PRR16: variants seen among roughly 807,000 people sequenced by gnomAD.
PRR16 encodes the protein proline rich 16.
A neutral mutation model predicts 18.2 loss-of-function variants in PRR16; 6 were observed. The observed-to-expected ratio is 0.33, with a 90% CI of 0.18 to 0.65. The LOEUF (loss-of-function observed/expected upper bound fraction) is 0.65. PRR16 is among the 30% of genes least tolerant of loss of function. The pLI is 0.74. For synonymous variants in PRR16, 151 were observed against 147.8 expected, an observed-to-expected ratio of 1.02 and a Z score of -0.16; for missense variants, 412 against 376.6, an observed-to-expected ratio of 1.09 and a Z score of -0.78.
chr5:120,699,798 AGTT>A, the PRR16 span, among the ~76,000 whole-genome samples: 4 of 152,070 alleles, frequency 2.6e-5, no homozygotes, highest in African/African-American at 4.8e-5. Context: ...GAAGGAAAGG[AGTT>A]GTTGTTTTGT....
intron 1 of PRR16, among the ~76,000 whole-genome samples, chr5:120,678,803 G>T (rs1214055426): frequency 6.6e-6 from 1 of 151,898 alleles, no homozygotes; most frequent in Admixed American, 6.6e-5. Flanking sequence ...AATTGCTCTA[G>T]CTAGGACATC....
At chr5:120,690,217 T>C (rs1162316459), downstream of PRR16, among the ~76,000 whole-genome samples, 1 of 152,194 alleles carries the variant, frequency 6.6e-6, no homozygotes, top group Non-Finnish European at 1.5e-5. Flanking sequence ...TCTGAAACTA[T>C]ACAAGACCTT....
At chr5:120,628,746 CTATCATCT>C (rs1313529197) in intron 1 of PRR16, among the ~76,000 whole-genome samples, 5 of 147,982 alleles carry the variant, frequency 3.4e-5, no homozygotes, top group African/African-American at 5.0e-5. Context: ...ATCTATCTAT[CTATCATCT>C]ATCTGTCTTT....
At position 120,685,971 on chromosome 5, in the gene PRR16, C is replaced by T. The variant is rs147682462; in HGVS notation, c.177C>T (p.Asp59=). The T allele has an allele frequency of 5.0e-6, 8 of 1,613,310 alleles. No homozygotes were observed. In the African/African-American group the frequency reaches 5.3e-5, roughly 11 times the overall value. ...KELKEVVDQI[D]TLTSDLQLED... ...TCCACTAGGTGGTTGACCAGATTGACACCCTGACCTCTGACCTACAGCTGG... is the reference window on the plus strand; with the variant it reads ...TCCACTAGGTGGTTGACCAGATTGATACCCTGACCTCTGACCTACAGCTGG... The change falls in exon 2 of 2, where the codon GAC becomes GAT. Residue 59 remains aspartate, a synonymous_variant. Coordinates refer to ENST00000407149, the MANE Select transcript of PRR16 (RefSeq NM_001300783.2).
At chr5:120,757,387 C>T in the PRR16 span, among the ~76,000 whole-genome samples, 2 of 151,910 alleles carry the variant, frequency 1.3e-5, no homozygotes, top group Non-Finnish European at 2.9e-5. Context: ...ATCGCGTTGA[C>T]TCTGTAGATT....
the PRR16 span, among the ~76,000 whole-genome samples, chr5:120,750,165 A>T: frequency 6.6e-6 from 1 of 152,160 alleles, no homozygotes; most frequent in African/African-American, 2.4e-5. Context: ...ATAAGCTGTT[A>T]ACTGACTGGT....
downstream of PRR16, among the ~76,000 whole-genome samples, chr5:120,691,828 A>G (rs1757212681): frequency 6.6e-6 from 1 of 152,196 alleles, no homozygotes; most frequent in African/African-American, 2.4e-5. Context: ...TGGCATCAAG[A>G]CACATGCTAT....
At chr5:120,649,948 G>A (rs1400714617) in intron 1 of PRR16, among the ~76,000 whole-genome samples, 1 of 151,644 alleles carries the variant, frequency 6.6e-6, no homozygotes, top group Non-Finnish European at 1.5e-5. Context: ...TATATTTTTG[G>A]ACATTTTCTT....
chr5:120,562,809 CTT>C (rs1752616843), intron 1 of PRR16, among the ~76,000 whole-genome samples: 2 of 151,906 alleles, frequency 1.3e-5, no homozygotes, highest in South Asian at 4.2e-4. Context: ...TGCTTTTTAA[CTT>C]TGTTTTTTTA....
At chr5:120,664,680 T>C (rs1291167994) in intron 1 of PRR16, among the ~76,000 whole-genome samples, 1 of 152,034 alleles carries the variant, frequency 6.6e-6, no homozygotes, top group African/African-American at 2.4e-5. Context: ...ATTGTTCAAT[T>C]CACGTCTATG....
intron 1 of PRR16, among the ~76,000 whole-genome samples, chr5:120,530,187 A>G (rs1751497188): frequency 6.8e-6 from 1 of 146,006 alleles, no homozygotes; most frequent in African/African-American, 2.5e-5. Context: ...GTGCTTATAT[A>G]TATAGAATAT....
At chr5:120,707,532 TAAAAAC>T in the PRR16 span, among the ~76,000 whole-genome samples, 132 of 152,280 alleles carry the variant, frequency 8.7e-4, 1 homozygote, top group Middle Eastern at 3.4e-3. Context: ...TTCACCAACT[TAAAAAC>T]AGATGACATT....
the PRR16 span, among the ~76,000 whole-genome samples, chr5:120,791,189 TG>T: frequency 6.6e-6 from 1 of 152,148 alleles, no homozygotes; most frequent in Non-Finnish European, 1.5e-5. Context: ...TTATTTGATT[TG>T]GTTTTCATTA....
intron 1 of PRR16, among the ~76,000 whole-genome samples, chr5:120,475,594 G>A (rs1186372132): frequency 1.3e-5 from 2 of 151,866 alleles, no homozygotes; most frequent in Non-Finnish European, 2.9e-5. Context: ...AAAATAAGCT[G>A]GGTGCTGTGG....
intron 1 of PRR16, among the ~76,000 whole-genome samples, chr5:120,613,660 G>A (rs556587509): frequency 2.0e-5 from 3 of 152,192 alleles, no homozygotes; most frequent in East Asian, 1.9e-4. Flanking sequence ...GGTCTTCTAT[G>A]CAATTTCAAC....
chr5:120,618,973 C>A (rs62376455), intron 1 of PRR16, among the ~76,000 whole-genome samples: 57,392 of 151,714 alleles, frequency 0.38, 11,321 homozygotes, highest in Middle Eastern at 0.52. Flanking sequence ...AAAGTCAGAA[C>A]AAAAAGTGCT....
chr5:120,700,296 G>A, the PRR16 span, among the ~76,000 whole-genome samples: 1 of 152,066 alleles, frequency 6.6e-6, no homozygotes, highest in Non-Finnish European at 1.5e-5. Flanking sequence ...GTGATAACAG[G>A]CTTTAAATCT....
At chr5:120,772,516 T>G in the PRR16 span, among the ~76,000 whole-genome samples, 1 of 152,118 alleles carries the variant, frequency 6.6e-6, no homozygotes, top group Non-Finnish European at 1.5e-5. Flanking sequence ...ATTAATAAAC[T>G]CAATATTTCC....
the PRR16 span, among the ~76,000 whole-genome samples, chr5:120,705,626 T>C: frequency 5.9e-5 from 9 of 152,264 alleles, no homozygotes; most frequent in South Asian, 1.9e-3. Context: ...TTGTGTTCTT[T>C]AGCTAAGACA....
Sources: allele counts gnomAD v4.1 joint callset (sites outside exome capture counted in the v4.1 genomes callset), GRCh38; gene constraint gnomAD v4.1.1; transcripts MANE v1.5; gene names NCBI Gene and HGNC (gene_info 2026-07-23, HGNC 2026-07-21).